The following CSRP1 variants were observed in gnomAD, a reference collection of about 807,000 sequenced individuals.
CSRP1 encodes the protein cysteine and glycine rich protein 1.
A neutral mutation model predicts 25.4 loss-of-function variants in CSRP1; 16 were observed. The ratio of observed to expected loss-of-function variants is 0.63; its 90% CI spans 0.43 to 0.96. The LOEUF (loss-of-function observed/expected upper bound fraction) is 0.96, where lower values mean the gene tolerates loss of function less well. Among genes scored for constraint, CSRP1 ranks in the 40% least tolerant of loss-of-function variants. The pLI is 0.00. For synonymous variants in CSRP1, 97 were observed against 95.3 expected, an observed-to-expected ratio of 1.02 and a Z score of -0.10; for missense variants, 212 against 243.6, an observed-to-expected ratio of 0.87 and a Z score of 0.86.
chr1:201,501,675 C>T (rs961628072), intron 1 of CSRP1, among the ~76,000 whole-genome samples: 6 of 152,152 alleles, frequency 3.9e-5, no homozygotes, highest in Non-Finnish European at 4.4e-5. Flanking sequence ...AGGTCACAGA[C>T]TCTCAGTCAC....
At position 201,484,049 on chromosome 1, in the gene CSRP1, C is replaced by T. The variant is rs1451271532; in HGVS notation, c.*664G>A. ...TTGAGAAGATCAAACAACATCCTGA[C>T]TTTGGGGTCCTTAAGACCTGGGTTA... On this transcript the variant is annotated 3_prime_UTR_variant, in exon 6 of 6. Transcript: ENST00000340006. 4.3e-6 allele frequency: 3 copies of T among 696,356 alleles called. No individual in the cohort carries two copies. In the Admixed American group the frequency reaches 6.0e-5, roughly 14 times the overall value. 43.1% of individuals were successfully genotyped at this position (696,356 alleles called of 1,614,324 possible).
At chr1:201,494,861 T>C (rs1664462237) in intron 2 of CSRP1, among the ~76,000 whole-genome samples, 1 of 152,042 alleles carries the variant, frequency 6.6e-6, no homozygotes, top group South Asian at 2.1e-4. Context: ...TGTGTGCGCA[T>C]GTGTGTGTGC....
chr1:201,499,527 C>T (rs1049675468), intron 1 of CSRP1, among the ~76,000 whole-genome samples: 1 of 152,198 alleles, frequency 6.6e-6, no homozygotes, highest in Non-Finnish European at 1.5e-5. Context: ...GATAAGGTGA[C>T]TCAATGTGAC....
rs137955502 is a variant in CSRP1 at position 201,496,480 on chromosome 1, A to T, written c.-1-176T>A. On this transcript the variant is annotated intron_variant, in intron 1 of 5. Coordinates refer to ENST00000340006, the MANE Select transcript of CSRP1 (RefSeq NM_004078.3). ...TGCTAGCTCTCGACAGCAGCCTCGC[A>T]CGTTCTCGGGGATTTCCTCCCCCCA... is the stretch of plus-strand genomic sequence containing the variant. 4.2e-3 allele frequency: 2,608 copies of T among 619,428 alleles called. 46 individuals carry two copies. The African/African-American group carries it at 0.042, about 10-fold the overall frequency. 38.4% of individuals were successfully genotyped at this position (619,428 alleles called of 1,614,324 possible).
At chr1:201,497,088 C>T (rs963123849) in intron 1 of CSRP1, among the ~76,000 whole-genome samples, 2 of 152,152 alleles carry the variant, frequency 1.3e-5, no homozygotes, top group Non-Finnish European at 2.9e-5. Flanking sequence ...TGGTGGCTCA[C>T]GCCTGTAATC....
At chr1:201,493,766 T>G (rs916230761) in intron 2 of CSRP1, among the ~76,000 whole-genome samples, 5 of 152,224 alleles carry the variant, frequency 3.3e-5, no homozygotes, top group Non-Finnish European at 7.3e-5. Flanking sequence ...CAGACCTGGC[T>G]AGCCTCTCCC....
intron 3 of CSRP1, 121 bp downstream of exon 3, chr1:201,490,055 A>C (rs1003525327): frequency 9.8e-7 from 1 of 1,018,454 alleles, no homozygotes. Context: ...CTGCCTTTTA[A>C]ATAACTGGTT....
intron 2 of CSRP1, among the ~76,000 whole-genome samples, chr1:201,493,648 G>T (rs972554723): frequency 4.6e-5 from 7 of 152,216 alleles, no homozygotes; most frequent in Admixed American, 3.9e-4. Context: ...GCATGTAGGT[G>T]GGCAAGCTGA....
At chr1:201,506,014 C>T (rs1011002053) in intron 1 of CSRP1, among the ~76,000 whole-genome samples, 8 of 152,142 alleles carry the variant, frequency 5.3e-5, no homozygotes, top group Admixed American at 4.6e-4. Context: ...AATATGCTCC[C>T]CAAGTAGCAT....
chr1:201,486,578 C>A, intron 4 of CSRP1: 2 of 990,952 alleles, frequency 2.0e-6, no homozygotes, highest in Non-Finnish European at 2.4e-6. Context: ...GCCTTTGCTG[C>A]CTCCTCTGTA....
intron 4 of CSRP1, chr1:201,488,393 G>A (rs1664217994): frequency 1.3e-5 from 2 of 152,976 alleles, no homozygotes; most frequent in Non-Finnish European, 2.9e-5. Context: ...GGGGTATTTG[G>A]ATGGGTTTTT....
chr1:201,490,129 G>A (rs778297380), intron 3 of CSRP1, 47 bp downstream of exon 3: 8 of 1,577,486 alleles, frequency 5.1e-6, no homozygotes, highest in Middle Eastern at 1.7e-4. Flanking sequence ...AATACAGGGT[G>A]GGGGAGAGAG....
intron 2 of CSRP1, among the ~76,000 whole-genome samples, chr1:201,494,149 G>A (rs111588494): frequency 0.02 from 3,089 of 151,786 alleles, 122 homozygotes; most frequent in African/African-American, 0.071. Flanking sequence ...CATCCGCAGC[G>A]CCCCTCACAC....
intron 1 of CSRP1, 128 bp from the exon 2 acceptor site, chr1:201,496,432 A>C: frequency 2.6e-6 from 2 of 770,258 alleles, no homozygotes; most frequent in Non-Finnish European, 4.4e-6. Flanking sequence ...CTGGGGGGCC[A>C]CCAGGCCTGG....
chr1:201,495,004 G>C (rs1479866822), intron 2 of CSRP1, among the ~76,000 whole-genome samples: 2 of 152,188 alleles, frequency 1.3e-5, no homozygotes, highest in Non-Finnish European at 2.9e-5. Flanking sequence ...CTCAACCAGA[G>C]AGAAACTGAG....
chr1:201,501,849 C>T (rs964805741), intron 1 of CSRP1, among the ~76,000 whole-genome samples: 3 of 151,844 alleles, frequency 2.0e-5, no homozygotes, highest in Non-Finnish European at 2.9e-5. Flanking sequence ...AAAAATTAGC[C>T]GGGTATGGTG....
In CSRP1 at chr1:201,495,371, ACT is replaced by A. The variant is rs560563386; in HGVS notation, c.112+819_112+820del. Among the ~76,000 whole-genome samples, 25 of 152,156 alleles carry A rather than the reference ACT, an allele frequency of 1.6e-4. No homozygotes were observed. The South Asian group carries it at 3.9e-3, about 24-fold the overall frequency. ...ACTCCAGCCTGGGTGACAGAGTGAG[ACT>A]CTGTCTTAAGAAAGAAAATGCACCT... is the stretch of plus-strand genomic sequence containing the variant. On this transcript the variant is annotated intron_variant, in intron 2 of 5. Coordinates refer to ENST00000340006, the MANE Select transcript of CSRP1 (RefSeq NM_004078.3).
At chr1:201,489,065 C>A in intron 3 of CSRP1, 81 bp from the exon 4 acceptor site, 1 of 1,568,638 alleles carries the variant, frequency 6.4e-7, no homozygotes. Flanking sequence ...ATGACCCTAC[C>A]TTCATCTCAT....
At chr1:201,488,603 T>C (rs1664226298) in intron 4 of CSRP1, 1 of 344,838 alleles carries the variant, frequency 2.9e-6, no homozygotes, top group African/African-American at 2.1e-5. Flanking sequence ...GAGATACAGA[T>C]TGATCATTGC....
Sources: gnomAD v4.1 joint callset for allele counts (sites outside exome capture counted in the v4.1 genomes callset) on GRCh38, gnomAD v4.1.1 for gene constraint, MANE v1.5 for transcripts, NCBI Gene and HGNC (gene_info 2026-07-23, HGNC 2026-07-21) for gene names.